Variants in DHX29 observed in about 807,000 individuals in gnomAD.
The protein encoded by DHX29 is DExH-box helicase 29, also known as ATP-dependent RNA helicase DHX29.
In DHX29, 79 loss-of-function variants were observed where a neutral mutation model predicts 167.9. The ratio of observed to expected loss-of-function variants is 0.47; its 90% CI spans 0.39 to 0.57. The LOEUF is 0.57. DHX29 is among the 20% of genes least tolerant of loss of function. The pLI is 0.00. For missense variants in DHX29, 1,347 were observed against 1,593.4 expected, an observed-to-expected ratio of 0.85 and a Z score of 2.63; for synonymous variants, 530 against 546.0, an observed-to-expected ratio of 0.97 and a Z score of 0.41.
chr5:55,262,613 A>G lies in DHX29; in HGVS notation c.3828+17T>C. The G allele has an allele frequency of 1.2e-6, 2 of 1,610,984 alleles. No individual in the cohort carries two copies. The highest frequency in any genetic ancestry group is 1.7e-6 in the Non-Finnish European group (2 of 1,178,088). On this transcript the variant is annotated intron_variant, in intron 24 of 26. Transcript: ENST00000251636. ...AATAATGCTCTGAATACTGGAATTT[A>G]GGAATGAGTACTTCACCTTCTCCTG...
intron 20 of DHX29, 101 bp downstream of exon 20, chr5:55,270,311 T>C (rs780430682): frequency 7.6e-7 from 1 of 1,320,814 alleles, no homozygotes; most frequent in Non-Finnish European, 1.0e-6. Context: ...AGTAAAAAAG[T>C]TGAAAATCTA....
chr5:55,268,216 C>A (rs560385937), intron 21 of DHX29, among the ~76,000 whole-genome samples: 2 of 152,236 alleles, frequency 1.3e-5, no homozygotes, highest in Admixed American at 6.5e-5. Context: ...GGCCTCAAGA[C>A]CACTGAATTT....
At chr5:55,305,070 A>G (rs3864240) in intron 1 of DHX29, among the ~76,000 whole-genome samples, 32,516 of 152,154 alleles carry the variant, frequency 0.21, 4,740 homozygotes, top group African/African-American at 0.4. Flanking sequence ...TCTTCATGAC[A>G]ATATGCACAG....
chr5:55,289,193 A>G, intron 8 of DHX29, 77 bp downstream of exon 8: 1 of 1,410,178 alleles, frequency 7.1e-7, no homozygotes, highest in Non-Finnish European at 9.2e-7. Context: ...ATGCAAAGTA[A>G]CGAATTTTAC....
rs1278353864 is a variant in DHX29, at chr5:55,261,503, C to T, written c.3829-4G>A. The T allele has an allele frequency of 1.3e-6, 2 of 1,538,230 alleles. No individual in the cohort carries two copies. The highest frequency in any genetic ancestry group is 1.2e-5 in the South Asian group (1 of 83,860). Reference sequence around the variant, plus strand: ...AATACACTCTGGCATACCTTATCTACATGGGAAAAAGGGGGGAAAATAACT... The same window carrying T: ...AATACACTCTGGCATACCTTATCTATATGGGAAAAAGGGGGGAAAATAACT... On this transcript the variant is annotated splice_polypyrimidine_tract_variant and splice_region_variant and intron_variant, in intron 24 of 26. Coordinates refer to ENST00000251636, the MANE Select transcript of DHX29 (RefSeq NM_019030.4).
chr5:55,302,031 T>C (rs1485335992), intron 1 of DHX29, among the ~76,000 whole-genome samples: 1 of 152,192 alleles, frequency 6.6e-6, no homozygotes, highest in African/African-American at 2.4e-5. Context: ...TGCTATGCTA[T>C]AGTTATATCG....
At chr5:55,298,271 A>G (rs1748420127) in intron 2 of DHX29, among the ~76,000 whole-genome samples, 2 of 152,238 alleles carry the variant, frequency 1.3e-5, no homozygotes, top group Admixed American at 1.3e-4. Flanking sequence ...TGAGATATTC[A>G]TGAGATGTCC....
In DHX29 at chr5:55,270,638, C is replaced by T. The variant is rs770820774; in HGVS notation, c.2933G>A (p.Arg978His). ...TCTGACCCGCCCAGCTCTTCCCTGG[C>T]GCTGCAAAGCACTGGCTTTACTGAC... ...TFVSKASALQ[R>H]QGRAGRVRDG... Residue 978 changes from arginine to histidine, a missense_variant, in exon 19 of 27, where the codon CGC becomes CAC. This residue lies in a region of DHX29 where 882 missense variants were observed against 1,082.4 expected (regional missense o/e 0.81). Coordinates refer to ENST00000251636, the MANE Select transcript of DHX29 (RefSeq NM_019030.4). 66 of 1,614,056 alleles carry T rather than the reference C, an allele frequency of 4.1e-5. No homozygotes were observed. Among genetic ancestry groups the T allele is most frequent in the Middle Eastern group, 1.6e-4 (1 of 6,084 alleles).
chr5:55,306,155 T>A (rs2111995065), intron 1 of DHX29, among the ~76,000 whole-genome samples: 1 of 152,336 alleles, frequency 6.6e-6, no homozygotes, highest in East Asian at 1.9e-4. Flanking sequence ...TAGCTAACAC[T>A]ACAATAAATC....
At chr5:55,280,885 G>A (rs1243395367) in intron 12 of DHX29, among the ~76,000 whole-genome samples, 1 of 151,866 alleles carries the variant, frequency 6.6e-6, no homozygotes, top group Non-Finnish European at 1.5e-5. Context: ...ATTCCTTCAG[G>A]TCCTATGTGC....
chr5:55,305,387 T>C (rs555652867), intron 1 of DHX29, among the ~76,000 whole-genome samples: 1 of 152,152 alleles, frequency 6.6e-6, no homozygotes, highest in Non-Finnish European at 1.5e-5. Context: ...AGAGCTCCAT[T>C]TGGAGAAATG....
intron 11 of DHX29, chr5:55,282,887 T>G (rs1190063650): frequency 5.5e-6 from 1 of 182,828 alleles, no homozygotes; most frequent in Non-Finnish European, 1.1e-5. Context: ...TATATTTTAG[T>G]AGAATTTGAG....
chr5:55,307,264 A>C (rs1158333554), intron 1 of DHX29, 123 bp downstream of exon 1: 18 of 807,850 alleles, frequency 2.2e-5, no homozygotes, highest in East Asian at 8.3e-5. Flanking sequence ...GGGAGGTAGC[A>C]GCTCGAGTGT....
intron 24 of DHX29, 25 bp from the exon 25 acceptor site, chr5:55,261,524 T>C: frequency 6.8e-7 from 1 of 1,460,306 alleles, no homozygotes; most frequent in Non-Finnish European, 9.4e-7. Context: ...GGGGGGAAAA[T>C]AACTTCAAAA....
At chr5:55,258,467 C>T (rs939877041) in intron 26 of DHX29, among the ~76,000 whole-genome samples, 4 of 152,250 alleles carry the variant, frequency 2.6e-5, no homozygotes, top group African/African-American at 9.6e-5. Flanking sequence ...CAGGCCTCTC[C>T]CATAGAGATC....
intron 9 of DHX29, 117 bp downstream of exon 9, chr5:55,285,573 TGAGATG>T (rs1310249969): frequency 1.6e-6 from 2 of 1,244,206 alleles, no homozygotes; most frequent in Non-Finnish European, 2.2e-6. Flanking sequence ...ACAATAAACC[TGAGATG>T]TAGAATTGAG....
At chr5:55,260,595 A>G (rs937339519) in intron 25 of DHX29, among the ~76,000 whole-genome samples, 3 of 152,116 alleles carry the variant, frequency 2.0e-5, no homozygotes, top group Non-Finnish European at 4.4e-5. Flanking sequence ...AGCTTTTAGT[A>G]AATTTATAGA....
Position 55,281,369 on chromosome 5 carries a change from C to G in DHX29, c.2109+3G>C. 6.4e-7 allele frequency: 1 copy of G among 1,566,078 alleles called. No homozygotes were observed. The highest frequency in any genetic ancestry group is 1.2e-5 in the South Asian group (1 of 81,734). On this transcript the variant is annotated splice_donor_region_variant and intron_variant, in intron 12 of 26. Transcript: ENST00000251636. ...TTTGAATACAACTATAGAATCCACTCACCTCATCTACAATAACATGAGACA... is the reference window on the plus strand; with the variant it reads ...TTTGAATACAACTATAGAATCCACTGACCTCATCTACAATAACATGAGACA...
chr5:55,292,731 G>A (rs1161638547), intron 6 of DHX29, among the ~76,000 whole-genome samples: 2 of 151,958 alleles, frequency 1.3e-5, no homozygotes, highest in African/African-American at 4.8e-5. Context: ...TTTTACTACT[G>A]AAAGACTCCT....
Sources: gnomAD v4.1 joint callset for allele counts (sites outside exome capture counted in the v4.1 genomes callset) on GRCh38, gnomAD v4.1.1 for gene constraint, gnomAD v4.1.1 regional missense constraint, MANE v1.5 for transcripts, NCBI Gene and HGNC (gene_info 2026-07-23, HGNC 2026-07-21) for gene names.